The following FUT8 variants were observed in gnomAD, a reference collection of about 807,000 sequenced individuals.
FUT8 encodes the protein alpha-(1,6)-fucosyltransferase.
Under a neutral mutation model 71.3 loss-of-function variants are expected in FUT8, and 29 were observed. The ratio of observed to expected loss-of-function variants is 0.41; its 90% CI spans 0.30 to 0.55. The LOEUF (loss-of-function observed/expected upper bound fraction) is 0.55, where lower values mean the gene tolerates loss of function less well. FUT8 is among the 20% of genes least tolerant of loss of function. The pLI is 0.34. For synonymous variants in FUT8, 254 were observed against 239.3 expected, an observed-to-expected ratio of 1.06 and a Z score of -0.57; for missense variants, 544 against 702.1, an observed-to-expected ratio of 0.77 and a Z score of 2.55.
At chr14:65,421,170 C>T (rs1029993490) in intron 1 of FUT8, among the ~76,000 whole-genome samples, 17 of 133,182 alleles carry the variant, frequency 1.3e-4, no homozygotes, top group Non-Finnish European at 2.3e-4. Flanking sequence ...TCCAGCCTGG[C>T]GACAGAGCGG....
At chr14:65,632,567 G>A (rs114224004) in intron 6 of FUT8, among the ~76,000 whole-genome samples, 2,403 of 152,026 alleles carry the variant, frequency 0.016, 63 homozygotes, top group African/African-American at 0.055. Flanking sequence ...TTTTTGGTGG[G>A]ATTTTTTTTT....
intron 2 of FUT8, among the ~76,000 whole-genome samples, chr14:65,533,031 G>A (rs549320399): frequency 2.5e-4 from 38 of 152,192 alleles, no homozygotes; most frequent in African/African-American, 8.4e-4. Flanking sequence ...TTGTTTACCA[G>A]TACCATGCTG....
In FUT8 at chr14:65,721,976, T is replaced by C. The variant is rs879794936; in HGVS notation, c.1037T>C (p.Ile346Thr). 5 of 1,614,134 alleles carry C rather than the reference T, an allele frequency of 3.1e-6. No individual in the cohort carries two copies. The highest frequency in any genetic ancestry group is 1.7e-5 in the Admixed American group (1 of 60,008). Residue 346 changes from isoleucine (I) to threonine (T), a missense_variant, in exon 8 of 11, where the codon ATA becomes ACA. Ile to Thr is a moderately conservative substitution (Grantham distance 89). Transcript: ENST00000673929. ...IRPQPWLEKE[I>T]EEATKKLGFK... ...CCACAGCCTTGGCTAGAAAAAGAAA[T>C]AGAAGAAGCCACCAAGAAGCTTGGC...
At chr14:65,578,091 C>T (rs1886889876) in intron 3 of FUT8, among the ~76,000 whole-genome samples, 1 of 151,708 alleles carries the variant, frequency 6.6e-6, no homozygotes, top group African/African-American at 2.4e-5. Flanking sequence ...TTTTTTTCTC[C>T]CGTATATAAA....
intron 6 of FUT8, among the ~76,000 whole-genome samples, chr14:65,651,949 A>G (rs1185724051): frequency 6.6e-6 from 1 of 152,180 alleles, no homozygotes. Flanking sequence ...AGAAGAAGAA[A>G]AGTAGGAGTG....
chr14:65,498,769 C>G (rs1566786023), intron 2 of FUT8, among the ~76,000 whole-genome samples: 2 of 152,128 alleles, frequency 1.3e-5, no homozygotes, highest in Admixed American at 6.5e-5. Context: ...TCAGAAGTAA[C>G]ATTTGGGTCT....
intron 1 of FUT8, among the ~76,000 whole-genome samples, chr14:65,450,188 T>C (rs1010357356): frequency 6.6e-6 from 1 of 152,200 alleles, no homozygotes; most frequent in African/African-American, 2.4e-5. Flanking sequence ...ACCTTCAGTT[T>C]AGCTCACAGT....
rs1472301814 is a variant in FUT8 at position 65,666,218 on chromosome 14, ACGGT to A, written c.598-3024_598-3021del. On this transcript the variant is annotated intron_variant, in intron 6 of 10. Coordinates refer to ENST00000673929, the MANE Select transcript of FUT8 (RefSeq NM_001371533.1). ...CTGCAATCTCCTTAAATATGTACATACGGTTTTCTTTGGATTCACTGAAATCCAA... is the reference window on the plus strand; with the variant it reads ...CTGCAATCTCCTTAAATATGTACATATTTCTTTGGATTCACTGAAATCCAA... Among the ~76,000 whole-genome samples the A allele has an allele frequency of 2.0e-5, 3 of 152,284 alleles. No homozygotes were observed. The South Asian group carries it at 6.2e-4, about 32-fold the overall frequency.
intron 7 of FUT8, among the ~76,000 whole-genome samples, chr14:65,684,399 AG>A (rs1893177362): frequency 6.6e-6 from 1 of 152,228 alleles, no homozygotes; most frequent in East Asian, 1.9e-4. Context: ...AAAGGGAAGA[AG>A]GAATTCTTCT....
chr14:65,574,918 C>A lies in FUT8; in HGVS notation c.203+13152C>A, dbSNP rs574044059. On this transcript the variant is annotated intron_variant, in intron 3 of 10. Transcript: ENST00000673929. The surrounding 1 kb of genome is among the most constrained non-coding windows in gnomAD (Gnocchi z 5.2). ...AGGCAGGGTTGCTGAACAGATACTT[C>A]ATTTATTTCGTTGATGTTGCAGGAT... Among the ~76,000 whole-genome samples, 2 of 152,070 alleles carry A rather than the reference C, an allele frequency of 1.3e-5. No homozygotes were observed. Among genetic ancestry groups the A allele is most frequent in the Non-Finnish European group, 2.9e-5 (2 of 68,004 alleles).
intron 6 of FUT8, among the ~76,000 whole-genome samples, chr14:65,666,796 T>G (rs1009630501): frequency 6.6e-6 from 1 of 152,062 alleles, no homozygotes. Flanking sequence ...GCAAGCCAAA[T>G]CCAGCAGCAT....
chr14:65,484,035 A>G (rs990436752), intron 2 of FUT8, among the ~76,000 whole-genome samples: 1 of 152,152 alleles, frequency 6.6e-6, no homozygotes, highest in Non-Finnish European at 1.5e-5. Context: ...CCAATAACAT[A>G]CAATTTTTAA....
chr14:65,733,075 C>T (rs116887300), intron 9 of FUT8, among the ~76,000 whole-genome samples, 156 bp from the exon 10 acceptor site: 199 of 152,286 alleles, frequency 1.3e-3, no homozygotes, highest in Admixed American at 2.3e-3. Context: ...TTCTGCCCCA[C>T]TGATGGACTT....
In FUT8 at chr14:65,439,954, GTATATATATATATATA is replaced by G. The variant is rs60534547; in HGVS notation, c.-325-15645_-325-15630del. On this transcript the variant is annotated intron_variant, in intron 1 of 10. Coordinates refer to ENST00000673929, the MANE Select transcript of FUT8 (RefSeq NM_001371533.1). ...ATAAAGAAAATGTGTGTGTGTGTGT[GTATATATATATATATA>G]TATATATATATATATATATATGTAC... is the stretch of plus-strand genomic sequence containing the variant. Among the ~76,000 whole-genome samples the G allele has an allele frequency of 3.9e-4, 29 of 74,968 alleles. 1 individual carries two copies. Among genetic ancestry groups the G allele is most frequent in the East Asian group, 6.1e-4 (1 of 1,640 alleles). The allele number at this position is 74,968 out of a possible 152,430, so 49.2% of individuals were successfully genotyped here.
At chr14:65,444,031 T>C (rs1467554263) in intron 1 of FUT8, among the ~76,000 whole-genome samples, 1 of 152,214 alleles carries the variant, frequency 6.6e-6, no homozygotes, top group Non-Finnish European at 1.5e-5. Flanking sequence ...CTTTCTCTTA[T>C]TGCTTGAGAG....
intron 3 of FUT8, among the ~76,000 whole-genome samples, chr14:65,581,481 C>T (rs1887085089): frequency 6.6e-6 from 1 of 152,082 alleles, no homozygotes; most frequent in African/African-American, 2.4e-5. Context: ...AGTTCAAAAA[C>T]TATTCAGCAC....
At chr14:65,567,840 T>G (rs1886274459) in intron 3 of FUT8, among the ~76,000 whole-genome samples, 1 of 151,942 alleles carries the variant, frequency 6.6e-6, no homozygotes, top group Non-Finnish European at 1.5e-5. Context: ...GCTAACATTT[T>G]GTTTTGGATT....
chr14:65,658,906 G>A (rs928042013), intron 6 of FUT8, among the ~76,000 whole-genome samples: 1 of 152,054 alleles, frequency 6.6e-6, no homozygotes, highest in African/African-American at 2.4e-5. Flanking sequence ...AAAAAAGTCT[G>A]TAGTTAATAG....
At chr14:65,655,110 A>G (rs545736058) in intron 6 of FUT8, among the ~76,000 whole-genome samples, 1 of 152,166 alleles carries the variant, frequency 6.6e-6, no homozygotes, top group South Asian at 2.1e-4. Flanking sequence ...AACTTCACAT[A>G]TAACGATATA....
Sources: gnomAD v4.1 joint callset for allele counts (sites outside exome capture counted in the v4.1 genomes callset) on GRCh38, gnomAD v4.1.1 for gene constraint, Gnocchi (gnomAD v3.1) non-coding constraint, MANE v1.5 for transcripts, NCBI Gene and HGNC (gene_info 2026-07-23, HGNC 2026-07-21) for gene names.